Variants in RBFOX1 observed in about 807,000 individuals in gnomAD.
RBFOX1 encodes the protein RNA binding protein fox-1 homolog 1.
RBFOX1 carries 8 observed loss-of-function variants against 57.7 expected under a neutral mutation model. That is an observed-to-expected ratio of 0.14 (90% CI 0.08 to 0.25). RBFOX1 has a LOEUF of 0.25. Ranked by LOEUF, RBFOX1 falls within the 10% of genes least tolerant of loss-of-function variation. The pLI is 1.00. For missense variants in RBFOX1, 611 were observed against 548.5 expected (o/e 1.11, Z -1.14); for synonymous variants, 326 against 222.4 (o/e 1.47, Z -4.15).
At chr16:5,684,721 A>T (rs553384652) in intron 3 of RBFOX1, among the ~76,000 whole-genome samples, 13 of 152,274 alleles carry the variant, frequency 8.5e-5, no homozygotes, top group Non-Finnish European at 1.3e-4. Flanking sequence ...CGATATTGCA[A>T]ATACATCACC....
chr16:7,326,917 G>C (rs1395572155), intron 4 of RBFOX1, among the ~76,000 whole-genome samples: 1 of 152,126 alleles, frequency 6.6e-6, no homozygotes, highest in Non-Finnish European at 1.5e-5. Context: ...GTCATTTCTG[G>C]AAGGATTTGG....
chr16:5,248,115 C>A (rs533815281), intron 1 of RBFOX1, among the ~76,000 whole-genome samples: 136 of 152,294 alleles, frequency 8.9e-4, no homozygotes, highest in African/African-American at 3.2e-3. Flanking sequence ...CCAGTGAGGC[C>A]GGCTGTCTTG....
chr16:6,992,166 A>ATTTT (rs148693407), intron 3 of RBFOX1, among the ~76,000 whole-genome samples: 1 of 148,364 alleles, frequency 6.7e-6, no homozygotes, highest in Non-Finnish European at 1.5e-5. Context: ...TAGAGAAGCA[A>ATTTT]TTTTTTGTTT....
rs1412163827 is a variant in RBFOX1, at chr16:6,636,815, T to TAC, written c.-63-17787_-63-17786insCA. Among the ~76,000 whole-genome samples, 2 of 104,018 alleles carry TAC rather than the reference T, an allele frequency of 1.9e-5. 1 individual carries two copies. The highest frequency in any genetic ancestry group is 5.7e-4 in the East Asian group (2 of 3,486). The allele number at this position is 104,018 out of a possible 152,430, so 68.2% of individuals were successfully genotyped here. A position where few individuals can be genotyped will look rare whatever the true frequency, so the allele number is the denominator to read the frequency against. On this transcript the variant is annotated intron_variant, in intron 2 of 15. Coordinates refer to ENST00000550418, the MANE Select transcript of RBFOX1 (RefSeq NM_018723.4). ...AATATATGTTATATATAATATATAA[T>TAC]ATATAATATATGTTATATATAATAT...
At chr16:5,337,969 A>G (rs1664139457) in intron 1 of RBFOX1, among the ~76,000 whole-genome samples, 6 of 152,188 alleles carry the variant, frequency 3.9e-5, no homozygotes, top group South Asian at 4.1e-4. Context: ...GCTTGAGCCC[A>G]GGAGATTGAG....
At chr16:5,377,958 TTTTC>T (rs960973288) in intron 1 of RBFOX1, among the ~76,000 whole-genome samples, 2 of 151,656 alleles carry the variant, frequency 1.3e-5, no homozygotes, top group African/African-American at 4.9e-5. Context: ...GGTAATTTTC[TTTTC>T]TTTCTTTTAT....
At chr16:6,701,653 T>C (rs1452290376) in intron 3 of RBFOX1, among the ~76,000 whole-genome samples, 1 of 152,154 alleles carries the variant, frequency 6.6e-6, no homozygotes, top group African/African-American at 2.4e-5. Context: ...CGTACACCTG[T>C]GTTCATTACC....
intron 1 of RBFOX1, among the ~76,000 whole-genome samples, chr16:5,336,942 A>T (rs2064912096): frequency 6.6e-6 from 1 of 152,202 alleles, no homozygotes; most frequent in Non-Finnish European, 1.5e-5. Context: ...TCCTGGCTGC[A>T]TCTGACAGCC....
At chr16:6,592,701 CGT>C (rs763077469) in intron 2 of RBFOX1, among the ~76,000 whole-genome samples, 4 of 151,614 alleles carry the variant, frequency 2.6e-5, no homozygotes, top group Admixed American at 6.6e-5. Flanking sequence ...TGAGAAATGT[CGT>C]GTGTGTGTGT....
chr16:5,427,136 T>C (rs1328329341), intron 1 of RBFOX1, among the ~76,000 whole-genome samples: 1 of 152,184 alleles, frequency 6.6e-6, no homozygotes, highest in Non-Finnish European at 1.5e-5. Context: ...CCGCAGATGC[T>C]GTGTTCTGGA....
At chr16:5,340,453 T>C (rs1162433911) in intron 1 of RBFOX1, among the ~76,000 whole-genome samples, 1 of 152,234 alleles carries the variant, frequency 6.6e-6, no homozygotes, top group Non-Finnish European at 1.5e-5. Flanking sequence ...AATTCTATGA[T>C]CTGTCAGGGA....
intron 2 of RBFOX1, among the ~76,000 whole-genome samples, chr16:6,578,587 T>G (rs1233495729): frequency 1.6e-4 from 2 of 12,226 alleles, no homozygotes; most frequent in Non-Finnish European, 5.4e-4. Flanking sequence ...CTATGGGTAT[T>G]GGTGTGTGTG....
chr16:6,853,448 A>G (rs915674140), intron 3 of RBFOX1, among the ~76,000 whole-genome samples: 2 of 152,126 alleles, frequency 1.3e-5, no homozygotes, highest in African/African-American at 2.4e-5. Flanking sequence ...CCTGGTTTAA[A>G]AGGCAAATCA....
At chr16:6,587,849 G>A (rs181912412) in intron 2 of RBFOX1, among the ~76,000 whole-genome samples, 9 of 152,152 alleles carry the variant, frequency 5.9e-5, no homozygotes, top group Admixed American at 1.3e-4. Flanking sequence ...TCTACCCTCC[G>A]TCTTCCCATA....
chr16:5,432,559 G>GTTTTTTTTTTTTTTTTGT (rs35344614), intron 1 of RBFOX1, among the ~76,000 whole-genome samples: 2 of 94,222 alleles, frequency 2.1e-5, no homozygotes, highest in Non-Finnish European at 4.1e-5. Context: ...TTGTTTGTTT[G>GTTTTTTTTTTTTTTTTGT]TTTTTTTTTT....
At chr16:7,657,830 A>G (rs771883502) in intron 12 of RBFOX1, among the ~76,000 whole-genome samples, 3 of 152,208 alleles carry the variant, frequency 2.0e-5, no homozygotes, top group African/African-American at 4.8e-5. Flanking sequence ...CCTGTACCAA[A>G]CCAACCAACT....
At chr16:6,808,505 C>G (rs898823742) in intron 3 of RBFOX1, among the ~76,000 whole-genome samples, 1 of 152,080 alleles carries the variant, frequency 6.6e-6, no homozygotes, top group Non-Finnish European at 1.5e-5. Flanking sequence ...TAAAACAGCA[C>G]CATTACTCTC....
intron 2 of RBFOX1, among the ~76,000 whole-genome samples, chr16:6,453,687 A>C (rs2153050623): frequency 6.6e-6 from 1 of 152,306 alleles, no homozygotes; most frequent in South Asian, 2.1e-4. Flanking sequence ...ATTTTATGGA[A>C]GCCCCTGACT....
intron 3 of RBFOX1, among the ~76,000 whole-genome samples, chr16:5,805,734 A>T (rs1470545906): frequency 6.6e-6 from 1 of 152,166 alleles, no homozygotes; most frequent in African/African-American, 2.4e-5. Flanking sequence ...GGCTTTCAGT[A>T]ATGAGTCAAG....
Sources: allele counts gnomAD v4.1 joint callset (sites outside exome capture counted in the v4.1 genomes callset), GRCh38; gene constraint gnomAD v4.1.1; transcripts MANE v1.5; gene names NCBI Gene and HGNC (gene_info 2026-07-23, HGNC 2026-07-21).